Variants in DOCK6 observed in about 807,000 individuals in gnomAD.
The protein encoded by DOCK6 is dedicator of cytokinesis 6, also known as dedicator of cytokinesis protein 6.
Under a neutral mutation model 230.3 loss-of-function variants are expected in DOCK6, and 167 were observed. The ratio of observed to expected loss-of-function variants is 0.73; its 90% confidence interval spans 0.64 to 0.82. The LOEUF (loss-of-function observed/expected upper bound fraction) is 0.82, where lower values mean the gene tolerates loss of function less well. DOCK6 is among the 40% of genes least tolerant of loss of function. The pLI is 0.00. For missense variants in DOCK6, 2,598 were observed against 2,825.8 expected (o/e 0.92, Z 1.83); for synonymous variants, 1,148 against 1,185.0 (o/e 0.97, Z 0.64).
chr19:11,219,877 T>G (rs544063032), intron 28 of DOCK6, among the ~76,000 whole-genome samples: 1 of 152,132 alleles, frequency 6.6e-6, no homozygotes, highest in East Asian at 1.9e-4. Context: ...ACGAAGAAAT[T>G]GAGGTACAGT....
At position 11,203,163 on chromosome 19, in the gene DOCK6, T is replaced by C. The variant is rs937714285; in HGVS notation, c.5236-454A>G. The C allele has an allele frequency of 1.0e-4, 20 of 194,168 alleles. 1 individual carries two copies. The highest frequency in any genetic ancestry group is 2.1e-5 in the Non-Finnish European group (2 of 93,048). The allele number at this position is 194,168 out of a possible 1,614,324, so 12.0% of individuals were successfully genotyped here. A position where few individuals can be genotyped will look rare whatever the true frequency, so the allele number is the denominator to read the frequency against. Reference sequence around the variant, plus strand: ...CAGTGGCTCTGGTTCCCTTGTTCCATGGCATTCCCCTGCTCCTGTCCCCAG... The same window carrying C: ...CAGTGGCTCTGGTTCCCTTGTTCCACGGCATTCCCCTGCTCCTGTCCCCAG... On this transcript the variant is annotated intron_variant, in intron 41 of 47. Transcript: ENST00000294618.
intron 7 of DOCK6, among the ~76,000 whole-genome samples, chr19:11,246,654 G>A (rs2080039828): frequency 6.6e-6 from 1 of 152,158 alleles, no homozygotes; most frequent in South Asian, 2.1e-4. Context: ...TTGTTCCGTT[G>A]GCATGGGGGC....
rs191742963 is a variant in DOCK6 at position 11,236,071 on chromosome 19, G to T, written c.2392+275C>A. ...AATTTTGTATTTTTAGTAGAGAAGG[G>T]GTTTCTCCATGTTGGTCAGGCTGGT... On this transcript the variant is annotated intron_variant, in intron 20 of 47. Transcript: ENST00000294618. The surrounding 1 kb of genome is among the most constrained non-coding windows in gnomAD (Gnocchi z 5.2). 3.1e-3 allele frequency: 1,595 copies of T among 508,912 alleles called. 4 individuals carry two copies. Among genetic ancestry groups the T allele is most frequent in the Non-Finnish European group, 4.9e-3 (1,436 of 290,594 alleles). 31.5% of individuals were successfully genotyped at this position (508,912 alleles called of 1,614,324 possible).
At chr19:11,237,613 AG>A in intron 17 of DOCK6, 27 bp downstream of exon 17, 1 of 170,566 alleles carries the variant, frequency 5.9e-6, no homozygotes, top group Non-Finnish European at 1.2e-5. Flanking sequence ...AGGAGGGCTC[AG>A]GGGGAGGGAG....
chr19:11,236,294 C>A lies in DOCK6; in HGVS notation c.2392+52G>T. ...TAGAAGATCCCTCAGGACCTCAGGA[C>A]TGAGAAGCCATGTGGATGGGGAAAC... is the stretch of plus-strand genomic sequence containing the variant. On this transcript the variant is annotated intron_variant, in intron 20 of 47. Coordinates refer to ENST00000294618, the MANE Select transcript of DOCK6 (RefSeq NM_020812.4). This position sits in a 1 kb window ranked among gnomAD's most constrained non-coding sequence, Gnocchi z 5.2. The A allele has an allele frequency of 6.7e-7, 1 of 1,484,830 alleles. No homozygotes were observed. Among genetic ancestry groups the A allele is most frequent in the South Asian group, 1.3e-5 (1 of 78,452 alleles). 92.0% of individuals were successfully genotyped at this position (1,484,830 alleles called of 1,614,324 possible). A position where few individuals can be genotyped will look rare whatever the true frequency, so the allele number is the denominator to read the frequency against.
intron 47 of DOCK6, 150 bp from the exon 48 acceptor site, chr19:11,199,689 C>T (rs924428234): frequency 1.4e-5 from 12 of 851,766 alleles, no homozygotes; most frequent in East Asian, 5.3e-5. Context: ...TGGGATTCTC[C>T]GATTCTCTCT....
In DOCK6 at chr19:11,223,040, C is replaced by T. The variant is rs546035167; in HGVS notation, c.3022G>A (p.Val1008Met). The T allele has an allele frequency of 2.1e-5, 34 of 1,613,754 alleles. No homozygotes were observed. The highest frequency in any genetic ancestry group is 3.3e-4 in the Middle Eastern group (2 of 6,060). ...AGGCTGAAGACAAAGCCCCGGTCCACCAGGGACAGAAGGTCACTGAGGAAG... is the reference window on the plus strand; with the variant it reads ...AGGCTGAAGACAAAGCCCCGGTCCATCAGGGACAGAAGGTCACTGAGGAAG... ...AFFLSDLLSL[V>M]DRGFVFSLVR... is the part of the protein sequence containing the mutation. The change falls in exon 25 of 48, where the codon GTG becomes ATG. Residue 1008 changes from valine to methionine, a missense_variant. Transcript: ENST00000294618.
At chr19:11,212,406 TA>T (rs973103468) in intron 35 of DOCK6, among the ~76,000 whole-genome samples, 28 of 151,998 alleles carry the variant, frequency 1.8e-4, no homozygotes, top group African/African-American at 6.8e-4. Flanking sequence ...CACGCCCTAC[TA>T]ATTTTTGTAT....
chr19:11,248,171 G>T lies in DOCK6; in HGVS notation c.721-20C>A. ...TTCATCCTGCCAAGAGTGGGGGGTG[G>T]GAGCTGGGCGGGAGGAGCTGGGACA... On this transcript the variant is annotated intron_variant, in intron 6 of 47. Coordinates refer to ENST00000294618, the MANE Select transcript of DOCK6 (RefSeq NM_020812.4). 1.4e-6 allele frequency: 2 copies of T among 1,458,870 alleles called. No individual in the cohort carries two copies. Among genetic ancestry groups the T allele is most frequent in the Non-Finnish European group, 1.9e-6 (2 of 1,045,748 alleles). 90.4% of individuals were successfully genotyped at this position (1,458,870 alleles called of 1,614,324 possible). A position where few individuals can be genotyped will look rare whatever the true frequency, so the allele number is the denominator to read the frequency against.
At position 11,228,943 on chromosome 19, in the gene DOCK6, G is replaced by A. The variant is rs1047621891; in HGVS notation, c.2811C>T (p.Leu937=). 37 of 1,613,640 alleles carry A rather than the reference G, an allele frequency of 2.3e-5. No individual in the cohort carries two copies. The highest frequency in any genetic ancestry group is 2.7e-5 in the Non-Finnish European group (32 of 1,179,840). The change falls in exon 23 of 48, where the codon CTC becomes CTT. Residue 937 remains leucine, a synonymous_variant. Coordinates refer to ENST00000294618, the MANE Select transcript of DOCK6 (RefSeq NM_020812.4). ...GGCAGGGAGGAGGGGGTCTCACCAT[G>A]AGCTGGAAGAAGAACCAGGCGTGCT... The part of the protein sequence containing the change: ...ILQHAWFFFQ[L]MVKSMALHLL...
In DOCK6 at chr19:11,200,573, C is replaced by A; in HGVS notation, c.5940-104G>T. 1 of 1,526,538 alleles carries A rather than the reference C, an allele frequency of 6.6e-7. No individual in the cohort carries two copies. The highest frequency in any genetic ancestry group is 8.8e-7 in the Non-Finnish European group (1 of 1,132,250). 94.6% of individuals were successfully genotyped at this position (1,526,538 alleles called of 1,614,324 possible). A position where few individuals can be genotyped will look rare whatever the true frequency, so the allele number is the denominator to read the frequency against. ...AGGCGGGACCAGGCCTGCAGAAAGACCCGCAATAGGAGGTCAGGTTGGGAG... is the reference window on the plus strand; with the variant it reads ...AGGCGGGACCAGGCCTGCAGAAAGAACCGCAATAGGAGGTCAGGTTGGGAG... On this transcript the variant is annotated intron_variant, in intron 46 of 47. Transcript: ENST00000294618. The surrounding 1 kb of genome is among the most constrained non-coding windows in gnomAD (Gnocchi z 4.3).
intron 31 of DOCK6, 44 bp downstream of exon 31, chr19:11,215,757 A>T: frequency 6.2e-7 from 1 of 1,610,812 alleles, no homozygotes; most frequent in Non-Finnish European, 8.5e-7. Flanking sequence ...ACAAGGTGGG[A>T]GCAGCTGGTG....
chr19:11,243,538 G>T lies in DOCK6; in HGVS notation c.1258+19C>A. 1 of 1,583,456 alleles carries T rather than the reference G, an allele frequency of 6.3e-7. No homozygotes were observed. On this transcript the variant is annotated intron_variant, in intron 11 of 47. Transcript: ENST00000294618. This position sits in a 1 kb window ranked among gnomAD's most constrained non-coding sequence, Gnocchi z 6.3. ...CACCCTTTAGCCCCGCCCCAAGCCT[G>T]TTAGCCCCGCCTCCTCACCGCCCTC...
intron 1 of DOCK6, among the ~76,000 whole-genome samples, chr19:11,260,377 T>G (rs1401172058): frequency 6.6e-6 from 1 of 151,870 alleles, no homozygotes; most frequent in East Asian, 1.9e-4. Flanking sequence ...CCCAGGAGTT[T>G]GAGGCCAGCC....
At chr19:11,242,939 T>G in intron 13 of DOCK6, 120 bp downstream of exon 13, 1 of 1,138,916 alleles carries the variant, frequency 8.8e-7, no homozygotes. Flanking sequence ...GGTCAGGGAT[T>G]TGTCCATCAT....
At position 11,262,500 on chromosome 19, in the gene DOCK6, C is replaced by A; in HGVS notation, c.-60G>T. ...CGGCCCCGCCGCCGCCGCCGCCTCC[C>A]GGTTCTGGGCAGCCGGGGCGGGGCG... On this transcript the variant is annotated 5_prime_UTR_variant, in exon 1 of 48. Transcript: ENST00000294618. 1 of 1,018,314 alleles carries A rather than the reference C, an allele frequency of 9.8e-7. No homozygotes were observed. The highest frequency in any genetic ancestry group is 4.5e-5 in the South Asian group (1 of 22,334). The allele number at this position is 1,018,314 out of a possible 1,614,324, so 63.1% of individuals were successfully genotyped here.
Position 11,208,709 on chromosome 19 carries a change from G to A in DOCK6, c.5065C>T (p.Gln1689Ter), listed in dbSNP as rs774628212. Residue 1689 changes from glutamine to a stop codon, truncating the protein, a stop_gained, in exon 39 of 48, where the codon CAG (glutamine) becomes TAG (stop). Transcript: ENST00000294618. LOFTEE classifies it high-confidence loss of function. ...ACCATGGTGAAGTAGCCGGCTGCCT[G>A]TTCCAGCAACCCTACCAGCCCCAGC... ...TELGLVGLLE[Q>*]AAGYFTMGGL... 1 of 1,612,014 alleles carries A rather than the reference G, an allele frequency of 6.2e-7. No homozygotes were observed. The highest frequency in any genetic ancestry group is 8.5e-7 in the Non-Finnish European group (1 of 1,178,364).
chr19:11,255,586 G>C (rs1179060092), intron 1 of DOCK6, among the ~76,000 whole-genome samples: 2 of 152,220 alleles, frequency 1.3e-5, no homozygotes, highest in East Asian at 3.9e-4. Flanking sequence ...TTGACAGAAT[G>C]AGTGAGTCCC....
chr19:11,237,337 G>T (rs1376630119), intron 18 of DOCK6, 119 bp downstream of exon 18: 1 of 1,041,092 alleles, frequency 9.6e-7, no homozygotes, highest in Non-Finnish European at 1.5e-6. Flanking sequence ...CTACACGGGG[G>T]CCCTGGAGGC....
Sources: allele counts gnomAD v4.1 joint callset (sites outside exome capture counted in the v4.1 genomes callset), GRCh38; gene constraint gnomAD v4.1.1; non-coding constraint Gnocchi (gnomAD v3.1); transcripts MANE v1.5; gene names NCBI Gene and HGNC (gene_info 2026-07-23, HGNC 2026-07-21).